Variants in SEMA3F observed in about 807,000 individuals in gnomAD.
The protein encoded by SEMA3F is semaphorin-3F.
In SEMA3F, 30 loss-of-function variants were observed where a neutral mutation model predicts 98.5. The observed-to-expected ratio is 0.30, with a 90% CI of 0.23 to 0.41. The LOEUF (loss-of-function observed/expected upper bound fraction) is 0.41, where lower values mean the gene tolerates loss of function less well. Ranked by LOEUF, SEMA3F falls within the 10% of genes least tolerant of loss-of-function variation. SEMA3F has a pLI of 1.00. For synonymous variants in SEMA3F, 380 were observed against 444.8 expected (o/e 0.85, Z 1.83); for missense variants, 866 against 1,119.3 (o/e 0.77, Z 3.23).
intron 1 of SEMA3F, 66 bp from the exon 2 acceptor site, chr3:50,159,509 C>T: frequency 1.6e-6 from 1 of 635,220 alleles, no homozygotes; most frequent in South Asian, 2.0e-5. Flanking sequence ...CCTCTTTGTT[C>T]ACCTTGGGTA....
chr3:50,188,198 TAAAA>T lies in SEMA3F; in HGVS notation c.*84_*87del. On this transcript the variant is annotated 3_prime_UTR_variant, in exon 19 of 19. Coordinates refer to ENST00000002829, the MANE Select transcript of SEMA3F (RefSeq NM_004186.5). The surrounding 1 kb of genome is among the most constrained non-coding windows in gnomAD (Gnocchi z 4.5). ...AGATATATATATATATATATATATA[TAAAA>T]TATCTATATTCTATACACACCCTGC... 1 of 454,340 alleles carries T rather than the reference TAAAA, an allele frequency of 2.2e-6. No individual in the cohort carries two copies. Among genetic ancestry groups the T allele is most frequent in the Non-Finnish European group, 3.3e-6 (1 of 307,304 alleles). The allele number at this position is 454,340 out of a possible 1,614,324, so 28.1% of individuals were successfully genotyped here.
chr3:50,172,708 G>A (rs752444741), intron 2 of SEMA3F, among the ~76,000 whole-genome samples: 3 of 152,136 alleles, frequency 2.0e-5, no homozygotes, highest in Admixed American at 6.5e-5. Flanking sequence ...GCTGGGGTCC[G>A]TAGGGCAGTG....
At position 50,180,466 on chromosome 3, in the gene SEMA3F, T is replaced by A. The variant is rs11714799; in HGVS notation, c.644-1818T>A. Among the ~76,000 whole-genome samples the A allele has an allele frequency of 1.4e-3, 219 of 152,088 alleles. 5 individuals carry two copies. The East Asian group carries it at 0.039, about 27-fold the overall frequency. ...CCACTGCACCTGGCCCATTTCTAGCTTTTGACTTAAAGTGAGAGATAATAT... is the reference window on the plus strand; with the variant it reads ...CCACTGCACCTGGCCCATTTCTAGCATTTGACTTAAAGTGAGAGATAATAT... On this transcript the variant is annotated intron_variant, in intron 7 of 18. Transcript: ENST00000002829.
chr3:50,183,072 G>C (rs769813696), intron 10 of SEMA3F, 54 bp downstream of exon 10: 25 of 1,578,188 alleles, frequency 1.6e-5, no homozygotes, highest in Middle Eastern at 1.7e-4. Context: ...AGGGATAGAG[G>C]CGGGATGGGC....
rs1368071491 is a variant in SEMA3F at position 50,158,556 on chromosome 3, G to T, written c.-48-1019G>T. ...TGCCAACTCCCATCCCAGCATCCTA[G>T]AGATGGGCCTGGGGTCCTGCCTGCC... On this transcript the variant is annotated intron_variant, in intron 1 of 18. Coordinates refer to ENST00000002829, the MANE Select transcript of SEMA3F (RefSeq NM_004186.5). This position sits in a 1 kb window ranked among gnomAD's most constrained non-coding sequence, Gnocchi z 4.8. 6.6e-6 allele frequency among the ~76,000 whole-genome samples: 1 copy of T among 152,230 alleles called. No individual in the cohort carries two copies. The highest frequency in any genetic ancestry group is 6.5e-5 in the Admixed American group (1 of 15,294).
At chr3:50,181,523 C>A (rs1463148789) in intron 7 of SEMA3F, among the ~76,000 whole-genome samples, 1 of 151,916 alleles carries the variant, frequency 6.6e-6, no homozygotes, top group Non-Finnish European at 1.5e-5. Flanking sequence ...AGGGTTTCAC[C>A]ACATTGGCCA....
chr3:50,164,084 C>T (rs1038787677), intron 2 of SEMA3F, among the ~76,000 whole-genome samples: 2 of 152,184 alleles, frequency 1.3e-5, no homozygotes, highest in East Asian at 1.9e-4. Flanking sequence ...TGCTGGAGAA[C>T]CTGCCTGACG....
Position 50,184,738 on chromosome 3 carries a change from C to T in SEMA3F, c.1380C>T (p.Pro460=). The part of the protein sequence containing the change: ...RRPLVVRTGA[P]YRLTTIAVDQ... ...CCCTGGTAGTCCGCACAGGTGCTCC[C>T]TACCGCCTTACCACTATTGCCGTGG... The change falls in exon 13 of 19, where the codon CCC becomes CCT. Residue 460 remains proline, a synonymous_variant. Coordinates refer to ENST00000002829, the MANE Select transcript of SEMA3F (RefSeq NM_004186.5). The T allele has an allele frequency of 1.2e-6, 2 of 1,614,154 alleles. No individual in the cohort carries two copies. Among genetic ancestry groups the T allele is most frequent in the Non-Finnish European group, 1.7e-6 (2 of 1,179,988 alleles).
chr3:50,173,568 G>T (rs1045939588), intron 2 of SEMA3F: 4 of 551,216 alleles, frequency 7.3e-6, no homozygotes, highest in African/African-American at 1.9e-5. Context: ...CTTGAACCCA[G>T]CAGATGGAGG....
At chr3:50,163,378 T>C (rs967887605) in intron 2 of SEMA3F, among the ~76,000 whole-genome samples, 4 of 152,214 alleles carry the variant, frequency 2.6e-5, no homozygotes, top group Non-Finnish European at 5.9e-5. Flanking sequence ...GATGGGAACA[T>C]CAGGGCCTAA....
At chr3:50,173,058 G>A (rs536202867) in intron 2 of SEMA3F, among the ~76,000 whole-genome samples, 1 of 152,302 alleles carries the variant, frequency 6.6e-6, no homozygotes, top group Non-Finnish European at 1.5e-5. Context: ...TATGAATCAG[G>A]GGTTTAGCTT....
intron 16 of SEMA3F, 82 bp from the exon 17 acceptor site, chr3:50,186,178 ACTGCCCTGGGGAAAAAGGGCC>A (rs1699203566): frequency 2.0e-6 from 3 of 1,471,136 alleles, no homozygotes; most frequent in Middle Eastern, 1.8e-4. Context: ...GTAAGACATC[ACTGCCCTGGGGAAAAAGGGCC>A]CTGCCCTGGA....
At chr3:50,174,386 G>T in intron 5 of SEMA3F, 36 bp downstream of exon 5, 2 of 1,585,522 alleles carry the variant, frequency 1.3e-6, no homozygotes, top group Non-Finnish European at 1.7e-6. Flanking sequence ...TGCTGCCCCC[G>T]CTGGTGGCTG....
chr3:50,155,249 G>A, upstream of SEMA3F: 1 of 333,558 alleles, frequency 3.0e-6, no homozygotes, highest in Non-Finnish European at 5.4e-6. This position sits in a 1 kb window ranked among gnomAD's most constrained non-coding sequence, Gnocchi z 4.9. Context: ...CACCGCCCGC[G>A]CCCCGCGCTG....
chr3:50,184,064 G>A (rs1162930528), intron 12 of SEMA3F, among the ~76,000 whole-genome samples: 2 of 152,316 alleles, frequency 1.3e-5, no homozygotes, highest in East Asian at 3.9e-4. Flanking sequence ...CTGGGCTGGA[G>A]AAGCTGGTCT....
intron 18 of SEMA3F, 125 bp downstream of exon 18, chr3:50,186,871 T>C (rs1699242563): frequency 9.7e-7 from 1 of 1,032,464 alleles, no homozygotes; most frequent in Non-Finnish European, 1.3e-6. Context: ...CTTCCCTACA[T>C]GCAAATCCTT....
chr3:50,186,109 G>T (rs1304417463), intron 16 of SEMA3F, 63 bp downstream of exon 16: 3 of 1,541,450 alleles, frequency 1.9e-6, no homozygotes, highest in Admixed American at 1.8e-5. Context: ...CTAGGGGATT[G>T]GGGGTGCATG....
intron 2 of SEMA3F, among the ~76,000 whole-genome samples, chr3:50,167,941 C>G (rs1698464694): frequency 6.6e-6 from 1 of 152,184 alleles, no homozygotes; most frequent in South Asian, 2.1e-4. Flanking sequence ...TAACTGGGTC[C>G]CCAGTTCAGA....
chr3:50,182,157 C>T lies in SEMA3F; in HGVS notation c.644-127C>T. ...TGGTGAAACACTGACCAGCACTCCACTGGAGATAGGATCATGCCCCAGGGA... is the reference window on the plus strand; with the variant it reads ...TGGTGAAACACTGACCAGCACTCCATTGGAGATAGGATCATGCCCCAGGGA... On this transcript the variant is annotated intron_variant, in intron 7 of 18. Coordinates refer to ENST00000002829, the MANE Select transcript of SEMA3F (RefSeq NM_004186.5). This position sits in a 1 kb window ranked among gnomAD's most constrained non-coding sequence, Gnocchi z 4.5. 8.4e-7 allele frequency: 1 copy of T among 1,194,330 alleles called. No homozygotes were observed. Among genetic ancestry groups the T allele is most frequent in the Non-Finnish European group, 1.2e-6 (1 of 826,966 alleles). 74.0% of individuals were successfully genotyped at this position (1,194,330 alleles called of 1,614,324 possible).
Sources: allele counts gnomAD v4.1 joint callset (sites outside exome capture counted in the v4.1 genomes callset), GRCh38; gene constraint gnomAD v4.1.1; non-coding constraint Gnocchi (gnomAD v3.1); transcripts MANE v1.5; gene names NCBI Gene and HGNC (gene_info 2026-07-23, HGNC 2026-07-21).